Variants in CEP152 observed in about 807,000 individuals in gnomAD.
CEP152 encodes the protein centrosomal protein 152.
A neutral mutation model predicts 188.9 loss-of-function variants in CEP152; 132 were observed. The observed-to-expected ratio is 0.70, with a 90% CI of 0.61 to 0.81. CEP152 has a LOEUF of 0.81. Among genes scored for constraint, CEP152 ranks in the 30% least tolerant of loss-of-function variants. The pLI, the probability that CEP152 is intolerant of heterozygous loss-of-function variation, is 0.00. For missense variants in CEP152, 1,914 were observed against 1,969.8 expected, an observed-to-expected ratio of 0.97 and a Z score of 0.54; for synonymous variants, 649 against 666.6, an observed-to-expected ratio of 0.97 and a Z score of 0.41.
Position 48,748,609 on chromosome 15 carries a change from A to G in CEP152, c.3468T>C (p.Asp1156=). The change falls in exon 22 of 27, where the codon GAT becomes GAC. Residue 1156 remains aspartate (D), a splice_region_variant and synonymous_variant. Transcript: ENST00000380950. ...CCTTAATTTCAAGGACCTTTTTCTT[A>G]TCTGCAAAAATTAAATGACAGAAAA... ...LALQATEAEA[D]KKKVLEIKDL... 1.4e-6 allele frequency: 2 copies of G among 1,472,112 alleles called. No individual in the cohort carries two copies. The highest frequency in any genetic ancestry group is 1.8e-6 in the Non-Finnish European group (2 of 1,118,136). 91.2% of individuals were successfully genotyped at this position (1,472,112 alleles called of 1,614,324 possible). A position where few individuals can be genotyped will look rare whatever the true frequency, so the allele number is the denominator to read the frequency against.
intron 20 of CEP152, among the ~76,000 whole-genome samples, chr15:48,753,500 G>C (rs1235542044): frequency 6.6e-6 from 1 of 152,174 alleles, no homozygotes; most frequent in Non-Finnish European, 1.5e-5. Context: ...TTGACTGTCA[G>C]AAAACCTACT....
Position 48,767,363 on chromosome 15 carries a change from C to A in CEP152, c.2119G>T (p.Ala707Ser), listed in dbSNP as rs1448895353. Residue 707 changes from alanine (A) to serine (S), a missense_variant, in exon 16 of 27, where the codon GCT (alanine) becomes TCT (serine). By Grantham distance (99) the Ala-to-Ser change is moderately conservative. Coordinates refer to ENST00000380950, the MANE Select transcript of CEP152 (RefSeq NM_001194998.2). ...HALEKQQLFEAYERTHLQLRS... is the reference protein window; with the variant it reads ...HALEKQQLFESYERTHLQLRS... ...AGTTGCAAATGAGTTCTCTCATAAGCCTCAAAGAGCTGCTGCTTCTCCAAA... is the reference window on the plus strand; with the variant it reads ...AGTTGCAAATGAGTTCTCTCATAAGACTCAAAGAGCTGCTGCTTCTCCAAA... 1 of 1,614,188 alleles carries A rather than the reference C, an allele frequency of 6.2e-7. No individual in the cohort carries two copies. The highest frequency in any genetic ancestry group is 8.5e-7 in the Non-Finnish European group (1 of 1,180,018).
chr15:48,744,768 GT>G lies in CEP152; in HGVS notation c.3731+127del, dbSNP rs994532835. 3 of 893,686 alleles carry G rather than the reference GT, an allele frequency of 3.4e-6. No individual in the cohort carries two copies. The African/African-American group carries it at 5.1e-5, about 15-fold the overall frequency. 55.4% of individuals were successfully genotyped at this position (893,686 alleles called of 1,614,324 possible). On this transcript the variant is annotated intron_variant, in intron 23 of 26. Transcript: ENST00000380950. ...CTAGAGGGTATCTTCAGGAAATAAG[GT>G]TTTGGGGGATTTTCTTCTTTTTTAT...
chr15:48,768,168 G>C (rs1895261093), intron 15 of CEP152, 51 bp downstream of exon 15: 2 of 1,032,696 alleles, frequency 1.9e-6, no homozygotes, highest in African/African-American at 3.1e-5. Flanking sequence ...CAGGGACTTA[G>C]AGGGGAAGGG....
intron 5 of CEP152, among the ~76,000 whole-genome samples, chr15:48,796,657 C>G (rs1175759464): frequency 1.3e-5 from 2 of 152,004 alleles, no homozygotes; most frequent in African/African-American, 4.8e-5. Flanking sequence ...CACTTAACAG[C>G]CTAAAAAATC....
intron 1 of CEP152, chr15:48,810,551 A>G (rs1013225969): frequency 6.6e-6 from 1 of 152,350 alleles, no homozygotes; most frequent in Non-Finnish European, 1.5e-5. Context: ...CTACGGCACT[A>G]CAAACATGAC....
intron 9 of CEP152, among the ~76,000 whole-genome samples, chr15:48,786,765 C>T (rs1269553267): frequency 1.3e-5 from 2 of 152,130 alleles, no homozygotes; most frequent in African/African-American, 2.4e-5. Flanking sequence ...TTATGGATTC[C>T]GGGGTCTGAA....
At chr15:48,800,255 C>T (rs1359992147) in intron 2 of CEP152, among the ~76,000 whole-genome samples, 2 of 152,146 alleles carry the variant, frequency 1.3e-5, no homozygotes, top group Non-Finnish European at 2.9e-5. Context: ...AGATATTTTA[C>T]ATATATGCTA....
intron 20 of CEP152, among the ~76,000 whole-genome samples, chr15:48,755,090 A>T (rs1894161481): frequency 6.6e-6 from 1 of 151,760 alleles, no homozygotes; most frequent in Non-Finnish European, 1.5e-5. Flanking sequence ...ATCATTCTGG[A>T]TCTTTCATGC....
At chr15:48,766,335 C>T (rs1057000583) in intron 17 of CEP152, among the ~76,000 whole-genome samples, 1 of 152,184 alleles carries the variant, frequency 6.6e-6, no homozygotes, top group Non-Finnish European at 1.5e-5. Flanking sequence ...AGATAGCTTT[C>T]AAACTGTGGT....
intron 19 of CEP152, among the ~76,000 whole-genome samples, chr15:48,758,183 CA>C (rs1894413838): frequency 6.6e-6 from 1 of 152,168 alleles, no homozygotes; most frequent in Non-Finnish European, 1.5e-5. Flanking sequence ...ACCACTGAAC[CA>C]ACTTAACTAC....
intron 18 of CEP152, 149 bp downstream of exon 18, chr15:48,762,242 A>G: frequency 1.3e-6 from 1 of 764,740 alleles, no homozygotes; most frequent in South Asian, 1.8e-5. Flanking sequence ...ATGAAGAAAA[A>G]TTTAGGAACA....
At chr15:48,781,942 G>C (rs897046757) in intron 11 of CEP152, among the ~76,000 whole-genome samples, 197 bp downstream of exon 11, 3 of 152,122 alleles carry the variant, frequency 2.0e-5, no homozygotes, top group African/African-American at 7.2e-5. Flanking sequence ...GGAAGTGCAG[G>C]GCCTTGGCTC....
rs199632095 is a variant in CEP152 at position 48,767,436 on chromosome 15, A to G, written c.2046T>C (p.His682=). ...CACGTATTTGAGTTTTCATGGCTTC[A>G]TGGTGCTGCTGATAAGTCCTTTCAC... ...DRCERTYQQH[H]EAMKTQIRES... Residue 682 remains histidine, a synonymous_variant, in exon 16 of 27, where the codon CAT becomes CAC. Coordinates refer to ENST00000380950, the MANE Select transcript of CEP152 (RefSeq NM_001194998.2). The G allele has an allele frequency of 1.1e-5, 17 of 1,614,030 alleles. No homozygotes were observed. The highest frequency in any genetic ancestry group is 2.2e-5 in the South Asian group (2 of 91,090).
chr15:48,742,648 C>T lies in CEP152; in HGVS notation c.3836-548G>A, dbSNP rs1372189095. ...GAGCATCTAACTAAATATAATATTA[C>T]AATTCATAAGAGATATGTACAAAAT... On this transcript the variant is annotated intron_variant, in intron 24 of 26. Coordinates refer to ENST00000380950, the MANE Select transcript of CEP152 (RefSeq NM_001194998.2). 3.9e-5 allele frequency among the ~76,000 whole-genome samples: 6 copies of T among 151,930 alleles called. No individual in the cohort carries two copies. In the South Asian group the frequency reaches 6.2e-4, roughly 16 times the overall value.
At chr15:48,762,694 T>C (rs370947738) in intron 17 of CEP152, 22 bp from the exon 18 acceptor site, 49 of 1,610,720 alleles carry the variant, frequency 3.0e-5, no homozygotes, top group Non-Finnish European at 4.1e-5. Context: ...AGAAAAATCA[T>C]ACGAGAAGAA....
At chr15:48,751,302 T>C (rs1566981999) in intron 21 of CEP152, among the ~76,000 whole-genome samples, 1 of 152,228 alleles carries the variant, frequency 6.6e-6, no homozygotes, top group Non-Finnish European at 1.5e-5. Flanking sequence ...AACTTGTTTC[T>C]ACCCATTCAT....
At chr15:48,733,683 G>C (rs1892499977), downstream of CEP152, among the ~76,000 whole-genome samples, 1 of 152,118 alleles carries the variant, frequency 6.6e-6, no homozygotes. Context: ...CAGACTCTAA[G>C]TAGGATAAAC....
intron 22 of CEP152, among the ~76,000 whole-genome samples, chr15:48,747,712 A>C (rs1015620209): frequency 6.6e-6 from 1 of 152,224 alleles, no homozygotes; most frequent in African/African-American, 2.4e-5. Context: ...AATCGGAAGC[A>C]TTTCAAATGT....
Sources: allele counts gnomAD v4.1 joint callset (sites outside exome capture counted in the v4.1 genomes callset), GRCh38; gene constraint gnomAD v4.1.1; transcripts MANE v1.5; gene names NCBI Gene and HGNC (gene_info 2026-07-23, HGNC 2026-07-21).